ACSL1: variants seen among roughly 807,000 people sequenced by gnomAD.
ACSL1 encodes the protein long-chain-fatty-acid--CoA ligase 1.
A neutral mutation model predicts 98.4 loss-of-function variants in ACSL1; 41 were observed. That is an observed-to-expected ratio of 0.42 (90% CI 0.32 to 0.54). ACSL1 has a LOEUF of 0.54. Among genes scored for constraint, ACSL1 ranks in the 20% least tolerant of loss-of-function variants. ACSL1 has a pLI of 0.13. For synonymous variants in ACSL1, 316 were observed against 322.7 expected (o/e 0.98, Z 0.22); for missense variants, 734 against 883.1 (o/e 0.83, Z 2.14).
intron 12 of ACSL1, 57 bp downstream of exon 12, chr4:184,768,259 C>T: frequency 6.4e-7 from 1 of 1,558,832 alleles, no homozygotes. Flanking sequence ...AATTCAAGCC[C>T]AAGCCCCTGC....
intron 1 of ACSL1, among the ~76,000 whole-genome samples, chr4:184,819,714 T>A (rs1015609006): frequency 1.3e-5 from 2 of 152,078 alleles, no homozygotes; most frequent in Non-Finnish European, 2.9e-5. Flanking sequence ...CAGAAGCCCC[T>A]GACAGGCAAG....
At chr4:184,777,007 G>C (rs1765392649) in intron 5 of ACSL1, 24 bp from the exon 6 acceptor site, 2 of 1,595,888 alleles carry the variant, frequency 1.3e-6, no homozygotes, top group Non-Finnish European at 1.7e-6. Context: ...AAAGGTCAGG[G>C]AGAGAAAACA....
Position 184,757,628 on chromosome 4 carries a change from G to C in ACSL1, c.1956+7C>G. On this transcript the variant is annotated splice_region_variant and intron_variant, in intron 20 of 20. Transcript: ENST00000281455. This position sits in a 1 kb window ranked among gnomAD's most constrained non-coding sequence, Gnocchi z 4.5. ...CAGGAATTCACCCACTCAGATGAAG[G>C]TCATACCTGTTCAAATGGTTTCAGA... 1 of 1,612,448 alleles carries C rather than the reference G, an allele frequency of 6.2e-7. No individual in the cohort carries two copies. Among genetic ancestry groups the C allele is most frequent in the Non-Finnish European group, 8.5e-7 (1 of 1,179,422 alleles).
At chr4:184,817,496 T>G (rs563261230) in intron 1 of ACSL1, among the ~76,000 whole-genome samples, 1 of 152,310 alleles carries the variant, frequency 6.6e-6, no homozygotes, top group East Asian at 1.9e-4. Flanking sequence ...CACCCCACTC[T>G]GGAGACAGTC....
At chr4:184,765,812 C>G (rs1336292391) in intron 14 of ACSL1, 79 bp downstream of exon 14, 6 of 1,180,622 alleles carry the variant, frequency 5.1e-6, no homozygotes, top group Admixed American at 2.0e-5. Flanking sequence ...CACACACACA[C>G]AGTACAGATG....
Position 184,813,377 on chromosome 4 carries a change from G to A in ACSL1, c.-32-9831C>T, listed in dbSNP as rs550502501. ...GAGCTAGAGAAGGCAGCCAACTTGG[G>A]CAGATAGCCTCCGTCAACAGCTTTG... On this transcript the variant is annotated intron_variant, in intron 1 of 20. Transcript: ENST00000281455. 1.5e-3 allele frequency among the ~76,000 whole-genome samples: 222 copies of A among 152,294 alleles called. 2 individuals are homozygous for A. The highest frequency in any genetic ancestry group is 5.0e-3 in the African/African-American group (208 of 41,562).
chr4:184,772,226 C>G (rs1249009741), intron 10 of ACSL1, among the ~76,000 whole-genome samples: 1 of 152,148 alleles, frequency 6.6e-6, no homozygotes, highest in Non-Finnish European at 1.5e-5. Flanking sequence ...AAGTATACAT[C>G]TTTAAAAAGG....
chr4:184,768,319 G>A lies in ACSL1; in HGVS notation c.1125C>T (p.Asp375=), dbSNP rs778347785. 4 of 1,611,578 alleles carry A rather than the reference G, an allele frequency of 2.5e-6. No homozygotes were observed. Among genetic ancestry groups the A allele is most frequent in the Non-Finnish European group, 3.4e-6 (4 of 1,179,434 alleles). The stretch of plus-strand genomic sequence containing the variant: ...GACTTCGCTGCTTGGAACTTACTCG[G>A]TCAAACATCCGGTTCAGCAGTCTTG... ...VVPRLLNRMF[D]RIFGQANTTL... The change falls in exon 12 of 21, where the codon GAC becomes GAT. Residue 375 remains aspartate, a synonymous_variant. Transcript: ENST00000281455.
chr4:184,806,323 C>T (rs1487400089), intron 1 of ACSL1, among the ~76,000 whole-genome samples: 1 of 152,212 alleles, frequency 6.6e-6, no homozygotes, highest in Non-Finnish European at 1.5e-5. Flanking sequence ...AACCTCAAAG[C>T]AGCCTTGGGA....
intron 1 of ACSL1, among the ~76,000 whole-genome samples, chr4:184,807,934 T>C (rs1771638370): frequency 6.6e-6 from 1 of 152,180 alleles, no homozygotes; most frequent in Admixed American, 6.5e-5. Context: ...CACATAACTA[T>C]CACAAGTCTC....
intron 3 of ACSL1, among the ~76,000 whole-genome samples, chr4:184,785,500 C>T (rs1467516016): frequency 6.6e-6 from 1 of 151,224 alleles, no homozygotes; most frequent in Non-Finnish European, 1.5e-5. Context: ...CAACAAACTT[C>T]TGACCCCTTA....
intron 2 of ACSL1, among the ~76,000 whole-genome samples, chr4:184,791,286 G>A (rs1053931590): frequency 2.0e-5 from 3 of 152,240 alleles, no homozygotes; most frequent in Non-Finnish European, 1.5e-5. Flanking sequence ...TTGTTCTGAA[G>A]GAGCCCACGT....
chr4:184,820,118 C>G (rs988200510), intron 1 of ACSL1, among the ~76,000 whole-genome samples: 1 of 152,076 alleles, frequency 6.6e-6, no homozygotes, highest in Non-Finnish European at 1.5e-5. Flanking sequence ...GCCAAGTCAC[C>G]CCCCTCCGAT....
chr4:184,769,000 C>T (rs1764074160), intron 11 of ACSL1, among the ~76,000 whole-genome samples: 3 of 151,810 alleles, frequency 2.0e-5, no homozygotes, highest in South Asian at 2.1e-4. Context: ...ACCCAGGAGG[C>T]GGAGATTGCA....
intron 1 of ACSL1, among the ~76,000 whole-genome samples, chr4:184,817,468 C>T (rs115879219): frequency 1.3e-5 from 2 of 152,166 alleles, no homozygotes; most frequent in Non-Finnish European, 2.9e-5. Flanking sequence ...ATGGTCTAGG[C>T]AGCCACTATG....
intron 2 of ACSL1, among the ~76,000 whole-genome samples, chr4:184,793,208 A>AG (rs1452864855): frequency 6.6e-6 from 1 of 152,074 alleles, no homozygotes; most frequent in African/African-American, 2.4e-5. Flanking sequence ...AAAAAAAAAA[A>AG]AAAAGATAGT....
chr4:184,784,078 T>C, intron 3 of ACSL1, 87 bp from the exon 4 acceptor site: 3 of 1,056,130 alleles, frequency 2.8e-6, no homozygotes, highest in Non-Finnish European at 4.3e-6. Flanking sequence ...ACTCTAATAC[T>C]AAACATCAGC....
chr4:184,823,160 A>T (rs1332678359), intron 1 of ACSL1, among the ~76,000 whole-genome samples: 1 of 152,170 alleles, frequency 6.6e-6, no homozygotes, highest in South Asian at 2.1e-4. Context: ...TGGACTGCCA[A>T]CCTTCACTAA....
intron 1 of ACSL1, among the ~76,000 whole-genome samples, chr4:184,809,973 T>C (rs886810141): frequency 6.6e-6 from 1 of 152,178 alleles, no homozygotes; most frequent in African/African-American, 2.4e-5. Context: ...GTTGTTGAAA[T>C]TGAAGCAGTT....
Sources: gnomAD v4.1 joint callset for allele counts (sites outside exome capture counted in the v4.1 genomes callset) on GRCh38, gnomAD v4.1.1 for gene constraint, Gnocchi (gnomAD v3.1) non-coding constraint, MANE v1.5 for transcripts, NCBI Gene and HGNC (gene_info 2026-07-23, HGNC 2026-07-21) for gene names.